The following ZMYM4 variants were observed in gnomAD, a reference collection of about 807,000 sequenced individuals.
The protein encoded by ZMYM4 is zinc finger MYM-type protein 4.
ZMYM4 carries 31 observed loss-of-function variants against 183.2 expected under a neutral mutation model. The observed-to-expected ratio is 0.17, with a 90% CI of 0.13 to 0.23. ZMYM4 has a LOEUF of 0.23. Among genes scored for constraint, ZMYM4 ranks in the 10% least tolerant of loss-of-function variants. ZMYM4 has a pLI of 1.00. For synonymous variants in ZMYM4, 592 were observed against 631.2 expected, an observed-to-expected ratio of 0.94 and a Z score of 0.93; for missense variants, 1,273 against 1,840.3, an observed-to-expected ratio of 0.69 and a Z score of 5.64.
At chr1:35,406,441 G>A (rs1430088160) in intron 25 of ZMYM4, among the ~76,000 whole-genome samples, 1 of 152,086 alleles carries the variant, frequency 6.6e-6, no homozygotes, top group Non-Finnish European at 1.5e-5. Flanking sequence ...GATCTCCTAA[G>A]CCCAAGAGTT....
At chr1:35,274,370 C>T (rs753416639) in intron 1 of ZMYM4, among the ~76,000 whole-genome samples, 10 of 151,704 alleles carry the variant, frequency 6.6e-5, no homozygotes, top group African/African-American at 1.5e-4. Context: ...TTTGGGAGGC[C>T]GAGGCAGGAG....
At chr1:35,374,788 A>C (rs1644299889) in intron 7 of ZMYM4, among the ~76,000 whole-genome samples, 1 of 152,158 alleles carries the variant, frequency 6.6e-6, no homozygotes, top group African/African-American at 2.4e-5. Context: ...CGTTTTAAAA[A>C]ATTATTACTA....
chr1:35,319,615 C>T (rs543426439), intron 1 of ZMYM4, among the ~76,000 whole-genome samples: 43 of 152,070 alleles, frequency 2.8e-4, no homozygotes, highest in African/African-American at 9.9e-4. Flanking sequence ...AGAGCAAGAC[C>T]CGTCTCAAAA....
At position 35,352,386 on chromosome 1, in the gene ZMYM4, G is replaced by GCACGCACACA. The variant is rs1553171662; in HGVS notation, c.86-6536_86-6535insGCACACACAC. ...CTCTACTAATAATTTAAAAATTAGC[G>GCACGCACACA]CACACACACACACACACACACACAC... On this transcript the variant is annotated intron_variant, in intron 2 of 29. Coordinates refer to ENST00000314607, the MANE Select transcript of ZMYM4 (RefSeq NM_005095.3). Among the ~76,000 whole-genome samples the GCACGCACACA allele has an allele frequency of 3.1e-5, 4 of 128,472 alleles. 1 individual carries two copies. In the East Asian group the frequency reaches 9.2e-4, roughly 29 times the overall value. The allele number at this position is 128,472 out of a possible 152,430, so 84.3% of individuals were successfully genotyped here. A position where few individuals can be genotyped will look rare whatever the true frequency, so the allele number is the denominator to read the frequency against.
At chr1:35,402,199 A>C (rs1644922346) in intron 23 of ZMYM4, among the ~76,000 whole-genome samples, 1 of 152,020 alleles carries the variant, frequency 6.6e-6, no homozygotes, top group Non-Finnish European at 1.5e-5. Context: ...CATTTTAGGA[A>C]TGTTGAGTCT....
intron 23 of ZMYM4, among the ~76,000 whole-genome samples, chr1:35,401,576 T>G (rs1023878340): frequency 1.4e-4 from 21 of 152,172 alleles, no homozygotes; most frequent in Admixed American, 4.6e-4. Flanking sequence ...GTTACTTCCT[T>G]TTTATTTTCT....
At chr1:35,351,180 A>T in intron 2 of ZMYM4, 2 of 1,287,152 alleles carry the variant, frequency 1.6e-6, no homozygotes, top group Non-Finnish European at 2.2e-6. Context: ...CAGAACTACC[A>T]CTGGCAATAA....
intron 1 of ZMYM4, among the ~76,000 whole-genome samples, chr1:35,307,545 T>A (rs981330137): frequency 1.7e-4 from 26 of 148,614 alleles, no homozygotes; most frequent in African/African-American, 4.9e-4. Context: ...TATTATTATT[T>A]TTTTTTTGAG....
intron 1 of ZMYM4, among the ~76,000 whole-genome samples, chr1:35,320,949 C>G (rs1261764171): frequency 2.6e-5 from 4 of 152,084 alleles, no homozygotes; most frequent in African/African-American, 7.2e-5. Flanking sequence ...AAGAAACTAA[C>G]TAGATTGTTT....
intron 2 of ZMYM4, among the ~76,000 whole-genome samples, chr1:35,346,720 C>T (rs1403257066): frequency 6.7e-6 from 1 of 149,980 alleles, no homozygotes; most frequent in Non-Finnish European, 1.5e-5. Context: ...CCCTAAGTAG[C>T]TTTCTAAGCC....
intron 13 of ZMYM4, among the ~76,000 whole-genome samples, chr1:35,387,939 T>G (rs1644615768): frequency 6.6e-6 from 1 of 152,224 alleles, no homozygotes; most frequent in Admixed American, 6.5e-5. Flanking sequence ...TGCCTTAAAT[T>G]ATGGTAACAT....
chr1:35,345,227 G>A (rs2148869672), intron 2 of ZMYM4, among the ~76,000 whole-genome samples: 1 of 152,266 alleles, frequency 6.6e-6, no homozygotes, highest in South Asian at 2.1e-4. Context: ...AAATAGTCAA[G>A]TGTCACGTGG....
At chr1:35,304,731 A>C (rs1641450257) in intron 1 of ZMYM4, among the ~76,000 whole-genome samples, 1 of 151,796 alleles carries the variant, frequency 6.6e-6, no homozygotes, top group Admixed American at 6.6e-5. Flanking sequence ...GGCCTTCCAA[A>C]GTGATAGGAT....
intron 1 of ZMYM4, among the ~76,000 whole-genome samples, chr1:35,274,634 AGG>A (rs2148668728): frequency 2.0e-5 from 3 of 148,530 alleles, no homozygotes; most frequent in African/African-American, 7.4e-5. Context: ...AAAAAAAAAA[AGG>A]AGAGGCCATT....
At chr1:35,392,480 C>A in intron 16 of ZMYM4, 128 bp downstream of exon 16, 1 of 1,331,598 alleles carries the variant, frequency 7.5e-7, no homozygotes, top group Non-Finnish European at 1.0e-6. Flanking sequence ...TGGCTTGCTG[C>A]ACAAGTTTCA....
intron 23 of ZMYM4, among the ~76,000 whole-genome samples, chr1:35,401,746 T>A (rs1467989687): frequency 6.6e-6 from 1 of 152,236 alleles, no homozygotes; most frequent in African/African-American, 2.4e-5. Context: ...TAGTTTTAAC[T>A]TTTATGTTTG....
rs1186799054 is a variant in ZMYM4, at chr1:35,387,291, A to G, written c.2112+13A>G. On this transcript the variant is annotated intron_variant, in intron 12 of 29. Transcript: ENST00000314607. ...TCTTGACTATAAGGTAAAGTATAGC[A>G]TGTTCATGATAAGATTTTGAGTATA... The G allele has an allele frequency of 1.2e-6, 2 of 1,609,624 alleles. No homozygotes were observed. The highest frequency in any genetic ancestry group is 1.7e-6 in the Non-Finnish European group (2 of 1,176,380).
chr1:35,281,828 C>T (rs978392553), intron 1 of ZMYM4, among the ~76,000 whole-genome samples: 3 of 152,124 alleles, frequency 2.0e-5, no homozygotes, highest in African/African-American at 7.2e-5. Context: ...GTCCCTTGCG[C>T]CAGCCTCTGG....
chr1:35,395,421 C>T (rs1644791809), intron 18 of ZMYM4, among the ~76,000 whole-genome samples: 1 of 151,856 alleles, frequency 6.6e-6, no homozygotes, highest in Non-Finnish European at 1.5e-5. Context: ...CATGGTGGGA[C>T]CCCCATCTGT....
Sources: allele counts gnomAD v4.1 joint callset (sites outside exome capture counted in the v4.1 genomes callset), GRCh38; gene constraint gnomAD v4.1.1; transcripts MANE v1.5; gene names NCBI Gene and HGNC (gene_info 2026-07-23, HGNC 2026-07-21).